The following SGCZ variants were observed in gnomAD, a reference collection of about 807,000 sequenced individuals.
SGCZ encodes sarcoglycan zeta.
In SGCZ, 40 loss-of-function variants were observed where a neutral mutation model predicts 41.3. The ratio of observed to expected loss-of-function variants is 0.97; its 90% confidence interval spans 0.75 to 1.26. SGCZ has a LOEUF of 1.26. Among genes scored for constraint, SGCZ ranks in the 50% most tolerant of loss-of-function variants. The pLI is 0.00. For synonymous variants in SGCZ, 206 were observed against 137.5 expected, an observed-to-expected ratio of 1.50 and a Z score of -3.49; for missense variants, 552 against 369.8, an observed-to-expected ratio of 1.49 and a Z score of -4.04.
Position 15,077,338 on chromosome 8 carries a change from G to A in SGCZ, c.39+160247C>T, listed in dbSNP as rs187620682. Among the ~76,000 whole-genome samples, 917 of 152,282 alleles carry A rather than the reference G, an allele frequency of 6.0e-3. 7 individuals carry two copies. The highest frequency in any genetic ancestry group is 9.9e-3 in the Non-Finnish European group (673 of 68,012). On this transcript the variant is annotated intron_variant, in intron 1 of 7. Transcript: ENST00000382080. ...TGCAGTAAAAATAAGTGCATTTCAT[G>A]TATTTACAGCTGTTATTGCAGTAAT...
chr8:14,185,940 A>C (rs759548538), intron 4 of SGCZ, among the ~76,000 whole-genome samples: 2 of 152,196 alleles, frequency 1.3e-5, no homozygotes, highest in Non-Finnish European at 1.5e-5. Context: ...AGTAATATTC[A>C]CCTTGGAATC....
rs1327762498 is a variant in SGCZ at position 14,325,745 on chromosome 8, CACATATATAT to C, written c.235-1551_235-1542del. Among the ~76,000 whole-genome samples, 21 of 25,506 alleles carry C rather than the reference CACATATATAT, an allele frequency of 8.2e-4. No homozygotes were observed. The East Asian group carries it at 9.5e-3, about 12-fold the overall frequency. The allele number at this position is 25,506 out of a possible 152,430, so 16.7% of individuals were successfully genotyped here. A position where few individuals can be genotyped will look rare whatever the true frequency, so the allele number is the denominator to read the frequency against. On this transcript the variant is annotated intron_variant, in intron 2 of 7. Transcript: ENST00000382080. The stretch of plus-strand genomic sequence containing the variant: ...ACACACACACACACACACACACACA[CACATATATAT>C]ATATATATATATATATATATATATA...
At chr8:14,159,005 A>G (rs966820461) in intron 5 of SGCZ, among the ~76,000 whole-genome samples, 8 of 152,070 alleles carry the variant, frequency 5.3e-5, no homozygotes, top group African/African-American at 1.9e-4. Context: ...CTGACCTCAA[A>G]TGATCTGCCC....
At chr8:14,745,318 A>C (rs17120202) in intron 1 of SGCZ, among the ~76,000 whole-genome samples, 10,362 of 152,152 alleles carry the variant, frequency 0.068, 769 homozygotes, top group African/African-American at 0.18. Context: ...CACTACTAAG[A>C]TTTCAGTGGG....
chr8:15,237,045 G>C (rs1248695883), intron 1 of SGCZ, among the ~76,000 whole-genome samples: 1 of 152,232 alleles, frequency 6.6e-6, no homozygotes, highest in African/African-American at 2.4e-5. Context: ...CGGTGGGAGG[G>C]AAAAGGGGTC....
At chr8:15,016,703 A>G (rs935627680) in intron 1 of SGCZ, among the ~76,000 whole-genome samples, 2 of 152,180 alleles carry the variant, frequency 1.3e-5, no homozygotes, top group African/African-American at 4.8e-5. Flanking sequence ...TTACATTGCT[A>G]TAACGAGGTA....
chr8:14,306,869 C>A (rs559439618), intron 3 of SGCZ, among the ~76,000 whole-genome samples: 2 of 152,294 alleles, frequency 1.3e-5, no homozygotes, highest in African/African-American at 4.8e-5. Context: ...TACATTACTT[C>A]TTTGTGCTCC....
chr8:14,640,824 G>A (rs2117427507), intron 1 of SGCZ, among the ~76,000 whole-genome samples: 1 of 151,682 alleles, frequency 6.6e-6, no homozygotes, highest in South Asian at 2.1e-4. Flanking sequence ...TCTGATAGCT[G>A]GAGCCCCTGC....
chr8:14,864,188 A>G (rs1803848545), intron 1 of SGCZ, among the ~76,000 whole-genome samples: 1 of 152,150 alleles, frequency 6.6e-6, no homozygotes, highest in African/African-American at 2.4e-5. Context: ...TACGTATTCT[A>G]CTGTGCTCGA....
At position 14,500,040 on chromosome 8, in the gene SGCZ, T is replaced by A. The variant is rs561639382; in HGVS notation, c.234+54692A>T. Among the ~76,000 whole-genome samples the A allele has an allele frequency of 9.9e-5, 15 of 152,162 alleles. No individual in the cohort carries two copies. In the East Asian group the frequency reaches 2.9e-3, roughly 29 times the overall value. On this transcript the variant is annotated intron_variant, in intron 2 of 7. Coordinates refer to ENST00000382080, the MANE Select transcript of SGCZ (RefSeq NM_139167.4). ...TCCTTAACATTACAATTGCCTCTAG[T>A]TTAAAACCTTTAGAGCACCCATTAA...
rs77207545 is a variant in SGCZ at position 14,088,467 on chromosome 8, A to T, written c.*1976T>A. Among the ~76,000 whole-genome samples, 49 of 151,984 alleles carry T rather than the reference A, an allele frequency of 3.2e-4. No homozygotes were observed. In the East Asian group the frequency reaches 7.2e-3, roughly 22 times the overall value. ...TTCCTTAAAAGTCCATAATATAGTGATTAGCACACATAATTTCTCAATATT... is the reference window on the plus strand; with the variant it reads ...TTCCTTAAAAGTCCATAATATAGTGTTTAGCACACATAATTTCTCAATATT... On this transcript the variant is annotated 3_prime_UTR_variant, in exon 8 of 8. Transcript: ENST00000382080.
rs1798950383 is a variant in SGCZ at position 15,143,392 on chromosome 8, T to C, written c.39+94193A>G. On this transcript the variant is annotated intron_variant, in intron 1 of 7. Coordinates refer to ENST00000382080, the MANE Select transcript of SGCZ (RefSeq NM_139167.4). ...TAGTACTCAAAAGCAGAATTATTTC[T>C]ATAAGGCTCAAGCAAAGTAGCTCTC... Among the ~76,000 whole-genome samples, 4 of 152,308 alleles carry C rather than the reference T, an allele frequency of 2.6e-5. No homozygotes were observed. The South Asian group carries it at 8.3e-4, about 32-fold the overall frequency.
intron 2 of SGCZ, among the ~76,000 whole-genome samples, chr8:14,365,067 A>C (rs935392688): frequency 2.0e-5 from 3 of 151,950 alleles, no homozygotes; most frequent in Admixed American, 6.6e-5. Flanking sequence ...AGTAATAAGC[A>C]ATTTTTTATC....
At chr8:14,644,310 G>A (rs1456132834) in intron 1 of SGCZ, among the ~76,000 whole-genome samples, 5 of 151,720 alleles carry the variant, frequency 3.3e-5, no homozygotes, top group Non-Finnish European at 5.9e-5. Context: ...AGGGGCAGAT[G>A]CTGAGGTTTC....
At chr8:14,263,688 C>G (rs1278324635) in intron 3 of SGCZ, among the ~76,000 whole-genome samples, 1 of 152,132 alleles carries the variant, frequency 6.6e-6, no homozygotes, top group Non-Finnish European at 1.5e-5. Flanking sequence ...AGCAACTATT[C>G]AAGTGCCAAG....
intron 1 of SGCZ, among the ~76,000 whole-genome samples, chr8:15,111,425 G>T (rs1243789590): frequency 6.6e-6 from 1 of 152,140 alleles, no homozygotes; most frequent in Non-Finnish European, 1.5e-5. Context: ...TCAGGCCTCT[G>T]ATTGGCCAAG....
intron 1 of SGCZ, among the ~76,000 whole-genome samples, chr8:15,180,135 A>C (rs1395131460): frequency 6.6e-6 from 1 of 152,206 alleles, no homozygotes; most frequent in Non-Finnish European, 1.5e-5. Context: ...AAACCACCCT[A>C]GTCATGATAA....
chr8:14,219,778 T>G (rs1563193173), intron 4 of SGCZ, among the ~76,000 whole-genome samples: 2 of 152,022 alleles, frequency 1.3e-5, no homozygotes, highest in Admixed American at 1.3e-4. Context: ...AATTGTGCTA[T>G]GAAGTTTTGC....
At chr8:14,925,268 A>C (rs1799711723) in intron 1 of SGCZ, among the ~76,000 whole-genome samples, 1 of 152,084 alleles carries the variant, frequency 6.6e-6, no homozygotes, top group Non-Finnish European at 1.5e-5. Context: ...CGAAGACAAA[A>C]TTTTCTTTTG....
Sources: gnomAD v4.1 joint callset for allele counts (sites outside exome capture counted in the v4.1 genomes callset) on GRCh38, gnomAD v4.1.1 for gene constraint, MANE v1.5 for transcripts, NCBI Gene and HGNC (gene_info 2026-07-23, HGNC 2026-07-21) for gene names.